The following PTPRT variants were observed in gnomAD, a reference collection of about 807,000 sequenced individuals.
The protein encoded by PTPRT is receptor-type tyrosine-protein phosphatase T.
In PTPRT, 56 loss-of-function variants were observed where a neutral mutation model predicts 176.8. The observed-to-expected ratio is 0.32, with a 90% confidence interval of 0.26 to 0.40. The LOEUF (loss-of-function observed/expected upper bound fraction) is 0.40. Ranked by LOEUF, PTPRT falls within the 10% of genes least tolerant of loss-of-function variation. The pLI, the probability that PTPRT is intolerant of heterozygous loss-of-function variation, is 1.00. For missense variants in PTPRT, 1,540 were observed against 1,908.2 expected (o/e 0.81, Z 3.60); for synonymous variants, 783 against 739.0 (o/e 1.06, Z -0.96).
chr20:42,115,755 G>A (rs1987241291), intron 21 of PTPRT, among the ~76,000 whole-genome samples: 1 of 152,158 alleles, frequency 6.6e-6, no homozygotes, highest in Non-Finnish European at 1.5e-5. Flanking sequence ...GAGCAGCTGA[G>A]TATCATCAGC....
chr20:42,557,355 C>A (rs2072878178), intron 7 of PTPRT, among the ~76,000 whole-genome samples: 5 of 152,110 alleles, frequency 3.3e-5, no homozygotes, highest in Non-Finnish European at 7.4e-5. Context: ...CTGCTCCTAC[C>A]CCTTGCTCTG....
chr20:42,068,716 G>T (rs183209793), downstream of PTPRT, among the ~76,000 whole-genome samples: 1 of 152,152 alleles, frequency 6.6e-6, no homozygotes, highest in African/African-American at 2.4e-5. Context: ...AGCTTCTTGT[G>T]TCTTGTAATC....
chr20:42,442,405 C>T (rs568387953), intron 9 of PTPRT, among the ~76,000 whole-genome samples: 6 of 152,152 alleles, frequency 3.9e-5, no homozygotes, highest in Admixed American at 1.3e-4. Context: ...ACAGGAATGC[C>T]GCCTTGTTTT....
chr20:42,794,120 TAG>T (rs2077418303), intron 2 of PTPRT, among the ~76,000 whole-genome samples: 1 of 151,994 alleles, frequency 6.6e-6, no homozygotes, highest in African/African-American at 2.4e-5. Context: ...GCTGAGGAGG[TAG>T]AGATTGCCCT....
chr20:42,727,127 A>G (rs914044019), intron 6 of PTPRT, among the ~76,000 whole-genome samples: 1 of 152,118 alleles, frequency 6.6e-6, no homozygotes, highest in Non-Finnish European at 1.5e-5. Flanking sequence ...CAGGACAGAG[A>G]GAGGCCTCCA....
chr20:43,171,331 G>A (rs1224285514), intron 1 of PTPRT, among the ~76,000 whole-genome samples: 1 of 152,162 alleles, frequency 6.6e-6, no homozygotes, highest in African/African-American at 2.4e-5. Context: ...CATTAAGTGA[G>A]CCCCGACTAT....
intron 1 of PTPRT, among the ~76,000 whole-genome samples, chr20:43,031,118 C>T (rs896657565): frequency 2.0e-5 from 3 of 152,134 alleles, no homozygotes; most frequent in African/African-American, 2.4e-5. Flanking sequence ...GACCCTCATA[C>T]TCTCACATCA....
At chr20:42,044,994 G>A in the PTPRT span, among the ~76,000 whole-genome samples, 13 of 152,104 alleles carry the variant, frequency 8.5e-5, no homozygotes, top group South Asian at 2.1e-4. Context: ...CACCTGAGTC[G>A]TCCTTACACT....
chr20:42,558,824 G>A (rs2072904098), intron 7 of PTPRT, among the ~76,000 whole-genome samples: 1 of 152,148 alleles, frequency 6.6e-6, no homozygotes, highest in African/African-American at 2.4e-5. Context: ...GCTTGTGGCT[G>A]ATGCAAAGCT....
At position 42,080,747 on chromosome 20, in the gene PTPRT, G is replaced by T; in HGVS notation, c.*132C>A. The T allele has an allele frequency of 2.3e-6, 2 of 854,640 alleles. No homozygotes were observed. Among genetic ancestry groups the T allele is most frequent in the Non-Finnish European group, 3.8e-6 (2 of 531,948 alleles). 52.9% of individuals were successfully genotyped at this position (854,640 alleles called of 1,614,324 possible). On this transcript the variant is annotated 3_prime_UTR_variant, in exon 31 of 31. Transcript: ENST00000373187. ...TGCAGAGCCCCCCGTGGAACACAGGGCCACCAGTCTTCTCCTTGGAGTCAG... is the reference window on the plus strand; with the variant it reads ...TGCAGAGCCCCCCGTGGAACACAGGTCCACCAGTCTTCTCCTTGGAGTCAG...
intron 1 of PTPRT, among the ~76,000 whole-genome samples, chr20:43,113,952 A>G (rs2012960341): frequency 6.6e-6 from 1 of 152,232 alleles, no homozygotes; most frequent in Admixed American, 6.5e-5. Flanking sequence ...GGCCTTTATG[A>G]TATGCATTTC....
intron 1 of PTPRT, among the ~76,000 whole-genome samples, chr20:42,955,484 T>C (rs924111116): frequency 6.6e-6 from 1 of 152,216 alleles, no homozygotes; most frequent in African/African-American, 2.4e-5. Context: ...ACTAAGTGCA[T>C]GCCTGAGGCC....
chr20:42,867,683 CTTT>C (rs5841476), intron 2 of PTPRT, among the ~76,000 whole-genome samples: 9 of 113,382 alleles, frequency 7.9e-5, no homozygotes, highest in Middle Eastern at 5.1e-3. Flanking sequence ...TACATATGGC[CTTT>C]TTTTTTTTTT....
chr20:42,205,106 T>C (rs111373055), intron 15 of PTPRT, among the ~76,000 whole-genome samples: 2,151 of 146,918 alleles, frequency 0.015, 49 homozygotes, highest in African/African-American at 0.051. Context: ...CATTAGGAGA[T>C]ATACCTAATG....
At chr20:42,753,512 T>C (rs2076791761) in intron 6 of PTPRT, among the ~76,000 whole-genome samples, 1 of 152,136 alleles carries the variant, frequency 6.6e-6, no homozygotes, top group African/African-American at 2.4e-5. Context: ...ATTGACCAGA[T>C]TACAGGAAGT....
At chr20:42,252,161 T>G (rs565734789) in intron 13 of PTPRT, among the ~76,000 whole-genome samples, 2 of 152,262 alleles carry the variant, frequency 1.3e-5, no homozygotes, top group East Asian at 3.9e-4. Flanking sequence ...CCACAAATCT[T>G]TGCACGATAG....
At chr20:42,838,010 C>T (rs1340329365) in intron 2 of PTPRT, among the ~76,000 whole-genome samples, 6 of 152,118 alleles carry the variant, frequency 3.9e-5, no homozygotes, top group African/African-American at 1.4e-4. Flanking sequence ...GAGTACCAGG[C>T]CCTCACGTAA....
intron 1 of PTPRT, among the ~76,000 whole-genome samples, chr20:43,145,896 T>C (rs1160766499): frequency 1.3e-5 from 2 of 152,242 alleles, no homozygotes; most frequent in Non-Finnish European, 2.9e-5. Flanking sequence ...TGTTTTCTGT[T>C]CCATAAAGCA....
the PTPRT span, among the ~76,000 whole-genome samples, chr20:42,042,366 C>G: frequency 6.6e-6 from 1 of 152,204 alleles, no homozygotes; most frequent in Non-Finnish European, 1.5e-5. Context: ...TTAAACACTT[C>G]TTTAGCCTGC....
Sources: allele counts gnomAD v4.1 joint callset (sites outside exome capture counted in the v4.1 genomes callset), GRCh38; gene constraint gnomAD v4.1.1; transcripts MANE v1.5; gene names NCBI Gene and HGNC (gene_info 2026-07-23, HGNC 2026-07-21).